Variants in IMMP2L observed in about 807,000 individuals in gnomAD.
IMMP2L encodes inner mitochondrial membrane peptidase subunit 2.
In IMMP2L, 18 loss-of-function variants were observed where a neutral mutation model predicts 19.3. That is an observed-to-expected ratio of 0.93 (90% CI 0.64 to 1.38). IMMP2L has a LOEUF of 1.38. IMMP2L is among the 40% of genes most tolerant of loss of function. IMMP2L has a pLI of 0.00. For synonymous variants in IMMP2L, 76 were observed against 73.0 expected (o/e 1.04, Z -0.21); for missense variants, 233 against 218.2 (o/e 1.07, Z -0.43).
intron 3 of IMMP2L, among the ~76,000 whole-genome samples, chr7:111,479,944 T>G (rs945082100): frequency 1.3e-5 from 2 of 152,146 alleles, no homozygotes; most frequent in Admixed American, 6.5e-5. Flanking sequence ...AAATTGAAAT[T>G]TATTAAACAT....
intron 3 of IMMP2L, among the ~76,000 whole-genome samples, chr7:111,043,255 A>G (rs1229553039): frequency 6.6e-6 from 1 of 152,214 alleles, no homozygotes; most frequent in Non-Finnish European, 1.5e-5. Context: ...AGCACATCCT[A>G]TGATTTGATT....
chr7:111,040,320 C>T (rs932961952), intron 3 of IMMP2L, among the ~76,000 whole-genome samples: 1 of 151,884 alleles, frequency 6.6e-6, no homozygotes, highest in African/African-American at 2.4e-5. Context: ...CCAAAATGAC[C>T]AATAATATTT....
chr7:111,121,254 T>C (rs918449951), intron 3 of IMMP2L, among the ~76,000 whole-genome samples: 1 of 152,202 alleles, frequency 6.6e-6, no homozygotes, highest in Non-Finnish European at 1.5e-5. Context: ...TTCTGGATAT[T>C]AGCTGTCTGT....
At chr7:111,075,300 G>T (rs540870125) in intron 3 of IMMP2L, among the ~76,000 whole-genome samples, 12 of 151,656 alleles carry the variant, frequency 7.9e-5, no homozygotes, top group Non-Finnish European at 1.6e-4. Flanking sequence ...CTAATTTTTT[G>T]TGTTTTTAGT....
intron 3 of IMMP2L, among the ~76,000 whole-genome samples, chr7:111,012,229 C>A (rs529228738): frequency 6.6e-6 from 1 of 152,138 alleles, no homozygotes; most frequent in South Asian, 2.1e-4. Context: ...ATGAGATGTC[C>A]AAGCACGAGT....
intron 3 of IMMP2L, among the ~76,000 whole-genome samples, chr7:111,345,315 T>C (rs1487829113): frequency 1.3e-5 from 2 of 152,070 alleles, no homozygotes; most frequent in East Asian, 3.9e-4. Context: ...CATGATCAGG[T>C]TCATTTCCTC....
intron 3 of IMMP2L, among the ~76,000 whole-genome samples, chr7:111,229,072 G>A (rs191560644): frequency 6.6e-5 from 10 of 150,548 alleles, no homozygotes; most frequent in Admixed American, 2.7e-4. Context: ...TACTCAACCC[G>A]GATTTTACAT....
At chr7:110,713,505 A>G (rs1044222446) in intron 5 of IMMP2L, among the ~76,000 whole-genome samples, 3 of 152,146 alleles carry the variant, frequency 2.0e-5, no homozygotes, top group Non-Finnish European at 4.4e-5. Flanking sequence ...TTTGGGCAGT[A>G]CGGTATTTTC....
chr7:111,050,854 T>C (rs1457918965), intron 3 of IMMP2L, among the ~76,000 whole-genome samples: 1 of 152,192 alleles, frequency 6.6e-6, no homozygotes, highest in Admixed American at 6.5e-5. Flanking sequence ...ACTGGGTCAG[T>C]TGAAAGCACA....
chr7:110,883,826 G>A (rs1201604833), intron 5 of IMMP2L, among the ~76,000 whole-genome samples: 5 of 152,092 alleles, frequency 3.3e-5, no homozygotes, highest in Non-Finnish European at 1.5e-5. Flanking sequence ...AACAGTGAAA[G>A]TATCTCAGTT....
chr7:110,938,419 G>A (rs568270009), intron 4 of IMMP2L, among the ~76,000 whole-genome samples: 2 of 152,278 alleles, frequency 1.3e-5, no homozygotes, highest in Non-Finnish European at 2.9e-5. Flanking sequence ...AAAAAGTGCA[G>A]TGTGACAGCA....
chr7:111,405,345 T>A (rs773590208), intron 3 of IMMP2L, among the ~76,000 whole-genome samples: 8 of 151,924 alleles, frequency 5.3e-5, no homozygotes, highest in Non-Finnish European at 1.0e-4. Context: ...AACAGAAAAT[T>A]CCAACTACAT....
chr7:110,738,547 A>G (rs1439180666), intron 5 of IMMP2L, among the ~76,000 whole-genome samples: 1 of 152,232 alleles, frequency 6.6e-6, no homozygotes, highest in Non-Finnish European at 1.5e-5. Flanking sequence ...AAAAATGAAC[A>G]AAGCATCCAA....
chr7:111,423,349 C>CT (rs1333994687), intron 3 of IMMP2L, among the ~76,000 whole-genome samples: 1 of 151,716 alleles, frequency 6.6e-6, no homozygotes, highest in East Asian at 1.9e-4. Context: ...TGGTCCTGGA[C>CT]TTTTTTTGTT....
At chr7:111,371,609 G>C (rs930980292) in intron 3 of IMMP2L, among the ~76,000 whole-genome samples, 6 of 152,004 alleles carry the variant, frequency 3.9e-5, no homozygotes, top group Non-Finnish European at 8.8e-5. Flanking sequence ...ACCATGTAAC[G>C]ATACAGTATC....
At position 111,185,011 on chromosome 7, in the gene IMMP2L, CTGTTT is replaced by C. The variant is rs376813331; in HGVS notation, c.240-221451_240-221447del. 5.6e-4 allele frequency among the ~76,000 whole-genome samples: 86 copies of C among 152,256 alleles called. No homozygotes were observed. In the South Asian group the frequency reaches 0.016, roughly 27 times the overall value. Reference sequence around the variant, plus strand: ...CAAGAAATCTCTTTCGAGATAGTTACTGTTTTGTTTTGTTATTAAAGTACCTTTGT... The same window carrying C: ...CAAGAAATCTCTTTCGAGATAGTTACTGTTTTGTTATTAAAGTACCTTTGT... On this transcript the variant is annotated intron_variant, in intron 3 of 5. Coordinates refer to ENST00000405709, the MANE Select transcript of IMMP2L (RefSeq NM_032549.4).
intron 3 of IMMP2L, among the ~76,000 whole-genome samples, chr7:111,385,465 C>T (rs1372437470): frequency 1.3e-5 from 2 of 152,034 alleles, no homozygotes; most frequent in Non-Finnish European, 2.9e-5. Flanking sequence ...TACCCTAGGC[C>T]GAAGTGAGTC....
At chr7:111,033,956 A>G (rs1401431149) in intron 3 of IMMP2L, among the ~76,000 whole-genome samples, 1 of 152,208 alleles carries the variant, frequency 6.6e-6, no homozygotes, top group Non-Finnish European at 1.5e-5. Flanking sequence ...AATAAACTAT[A>G]GTGACATAAA....
At chr7:111,049,118 C>CTTTTTT (rs1181540031) in intron 3 of IMMP2L, among the ~76,000 whole-genome samples, 1 of 28,100 alleles carries the variant, frequency 3.6e-5, no homozygotes. Flanking sequence ...TATGATACTT[C>CTTTTTT]TTTTTTTTTT....
Sources: gnomAD v4.1 joint callset for allele counts (sites outside exome capture counted in the v4.1 genomes callset) on GRCh38, gnomAD v4.1.1 for gene constraint, MANE v1.5 for transcripts, NCBI Gene and HGNC (gene_info 2026-07-23, HGNC 2026-07-21) for gene names.